The following TMPRSS15 variants were observed in gnomAD, a reference collection of about 807,000 sequenced individuals.
TMPRSS15 encodes transmembrane serine protease 15.
A neutral mutation model predicts 125.3 loss-of-function variants in TMPRSS15; 128 were observed. The observed-to-expected ratio is 1.02, with a 90% confidence interval of 0.89 to 1.18. The LOEUF is 1.18. Ranked by LOEUF, TMPRSS15 falls within the 50% of genes most tolerant of loss-of-function variation. The pLI is 0.00. For missense variants in TMPRSS15, 1,283 were observed against 1,212.7 expected (o/e 1.06, Z -0.86); for synonymous variants, 446 against 423.2 (o/e 1.05, Z -0.66).
chr21:18,330,799 A>G (rs1365613301), intron 14 of TMPRSS15, among the ~76,000 whole-genome samples: 1 of 152,074 alleles, frequency 6.6e-6, no homozygotes, highest in Non-Finnish European at 1.5e-5. Flanking sequence ...CAGGCCGGGC[A>G]CGGTGGCTCA....
chr21:18,316,268 T>C (rs1053220132), intron 16 of TMPRSS15, among the ~76,000 whole-genome samples: 7 of 152,238 alleles, frequency 4.6e-5, no homozygotes, highest in Non-Finnish European at 1.0e-4. Flanking sequence ...TTCCTCGTAA[T>C]TTCGTTAGTA....
chr21:18,270,359 T>C (rs1429047439), intron 24 of TMPRSS15, among the ~76,000 whole-genome samples: 1 of 152,146 alleles, frequency 6.6e-6, no homozygotes, highest in Non-Finnish European at 1.5e-5. Context: ...AGTGCACCTT[T>C]TTAGTAAAAG....
chr21:18,425,622 A>C (rs1458858021), intron 1 of TMPRSS15, among the ~76,000 whole-genome samples: 1 of 151,526 alleles, frequency 6.6e-6, no homozygotes, highest in Non-Finnish European at 1.5e-5. Flanking sequence ...CAAACTCTTA[A>C]CAAGTATTTA....
At chr21:18,398,734 A>G (rs2076065907) in intron 1 of TMPRSS15, among the ~76,000 whole-genome samples, 1 of 152,100 alleles carries the variant, frequency 6.6e-6, no homozygotes, top group Non-Finnish European at 1.5e-5. Flanking sequence ...TTGCTTTCAG[A>G]TACTTCTTGA....
At chr21:18,386,834 T>C (rs2075948302) in intron 3 of TMPRSS15, among the ~76,000 whole-genome samples, 1 of 152,240 alleles carries the variant, frequency 6.6e-6, no homozygotes, top group Non-Finnish European at 1.5e-5. Flanking sequence ...ACTGAACACT[T>C]GCTTTCATTT....
chr21:18,388,114 CA>C (rs1379432261), intron 3 of TMPRSS15, among the ~76,000 whole-genome samples: 1 of 152,118 alleles, frequency 6.6e-6, no homozygotes, highest in East Asian at 1.9e-4. Flanking sequence ...ATTTATCTAA[CA>C]GACGTTTTTA....
intron 21 of TMPRSS15, among the ~76,000 whole-genome samples, chr21:18,293,541 G>A (rs1467043346): frequency 6.6e-6 from 1 of 152,126 alleles, no homozygotes; most frequent in African/African-American, 2.4e-5. Context: ...TATCTAGAGA[G>A]GTGGCATCTT....
chr21:18,277,864 C>G (rs1457955310), intron 23 of TMPRSS15, among the ~76,000 whole-genome samples: 1 of 152,192 alleles, frequency 6.6e-6, no homozygotes, highest in Non-Finnish European at 1.5e-5. Flanking sequence ...GTGGTTAAAA[C>G]TCTGTCCCAG....
chr21:18,353,102 A>G (rs17699052), intron 9 of TMPRSS15, 50 bp from the exon 10 acceptor site: 61,374 of 1,502,132 alleles, frequency 0.041, 1,538 homozygotes, highest in South Asian at 0.067. Context: ...CCATAATGTG[A>G]GTAGTTATAT....
intron 16 of TMPRSS15, among the ~76,000 whole-genome samples, chr21:18,322,048 A>T (rs2075244167): frequency 6.6e-6 from 1 of 152,236 alleles, no homozygotes; most frequent in East Asian, 1.9e-4. Context: ...TATAGGCAAA[A>T]GAAATCTAAA....
intron 16 of TMPRSS15, among the ~76,000 whole-genome samples, chr21:18,316,205 A>G (rs1172795567): frequency 6.6e-6 from 1 of 152,126 alleles, no homozygotes; most frequent in African/African-American, 2.4e-5. Flanking sequence ...TCTCTTTTGC[A>G]GCAAAACTCA....
Position 18,409,873 on chromosome 21 carries a change from CCTTCCCTCCCTCCCTCCCTTCCTTCCTT to C in TMPRSS15, c.11-11572_11-11545del, listed in dbSNP as rs1191571277. ...CCTTCCTTCCTTCCCTCCCTCCCTCCCTTCCCTCCCTCCCTCCCTTCCTTCCTTCTTCCCTCCCTCCCTCCCTTCCTTC... is the reference window on the plus strand; with the variant it reads ...CCTTCCTTCCTTCCCTCCCTCCCTCCCTTCCCTCCCTCCCTCCCTTCCTTC... On this transcript the variant is annotated intron_variant, in intron 1 of 7. Coordinates refer to the TMPRSS15 transcript ENST00000422787. Among the ~76,000 whole-genome samples, 31 of 109,328 alleles carry C rather than the reference CCTTCCCTCCCTCCCTCCCTTCCTTCCTT, an allele frequency of 2.8e-4. 1 individual carries two copies. The highest frequency in any genetic ancestry group is 5.5e-4 in the Non-Finnish European group (29 of 52,558). 71.7% of individuals were successfully genotyped at this position (109,328 alleles called of 152,430 possible).
At chr21:18,300,107 A>G (rs1381751186) in intron 18 of TMPRSS15, among the ~76,000 whole-genome samples, 2 of 55,238 alleles carry the variant, frequency 3.6e-5, no homozygotes, top group African/African-American at 1.6e-4. Flanking sequence ...CTCTTCACTT[A>G]TCTATAGCTC....
At chr21:18,484,397 G>T (rs1979039218) in intron 1 of TMPRSS15, among the ~76,000 whole-genome samples, 1 of 151,730 alleles carries the variant, frequency 6.6e-6, no homozygotes, top group Admixed American at 6.6e-5. Context: ...TTTTGCTAGG[G>T]TATTTGTTTA....
chr21:18,318,682 T>C (rs1211861753), intron 16 of TMPRSS15, among the ~76,000 whole-genome samples: 1 of 152,186 alleles, frequency 6.6e-6, no homozygotes, highest in African/African-American at 2.4e-5. Context: ...ACACCGGAAG[T>C]AACTGAAAAA....
chr21:18,412,271 C>T lies in TMPRSS15; in HGVS notation c.11-13942G>A, dbSNP rs887531420. Among the ~76,000 whole-genome samples, 6 of 152,302 alleles carry T rather than the reference C, an allele frequency of 3.9e-5. No homozygotes were observed. In the South Asian group the frequency reaches 1.2e-3, roughly 32 times the overall value. ...CTACTTGTCAGATTTTCTCAATGCTCTTTTATCTAATTTCCCTGCTATCAT... is the reference window on the plus strand; with the variant it reads ...CTACTTGTCAGATTTTCTCAATGCTTTTTTATCTAATTTCCCTGCTATCAT... On this transcript the variant is annotated intron_variant, in intron 1 of 7. Coordinates refer to the TMPRSS15 transcript ENST00000422787.
chr21:18,294,379 C>G lies in TMPRSS15; in HGVS notation c.2377G>C (p.Glu793Gln), dbSNP rs756702226. ...PKIVGGSNAK[E>Q]GAWPWVVGLY... ...CCCACAACCCAGGGCCAGGCCCCTTCTTTGGCATTACTTCCTCCAACAATC... is the reference window on the plus strand; with the variant it reads ...CCCACAACCCAGGGCCAGGCCCCTTGTTTGGCATTACTTCCTCCAACAATC... Residue 793 changes from glutamate (E) to glutamine (Q), a missense_variant, in exon 21 of 25, where the codon GAA (glutamate) becomes CAA (glutamine). Coordinates refer to ENST00000284885, the MANE Select transcript of TMPRSS15 (RefSeq NM_002772.3). 1.2e-6 allele frequency: 2 copies of G among 1,614,128 alleles called. No homozygotes were observed. The highest frequency in any genetic ancestry group is 4.5e-5 in the East Asian group (2 of 44,898).
At chr21:18,309,030 G>T (rs1486930765) in intron 18 of TMPRSS15, among the ~76,000 whole-genome samples, 1 of 152,138 alleles carries the variant, frequency 6.6e-6, no homozygotes, top group African/African-American at 2.4e-5. Context: ...CTTTGCTGTT[G>T]TGAACAGTGC....
intron 19 of TMPRSS15, 121 bp from the exon 20 acceptor site, chr21:18,294,773 A>C: frequency 1.2e-6 from 1 of 846,162 alleles, no homozygotes; most frequent in Non-Finnish European, 2.0e-6. Context: ...TCATATATGA[A>C]ATGTAGGGAG....
Sources: allele counts gnomAD v4.1 joint callset (sites outside exome capture counted in the v4.1 genomes callset), GRCh38; gene constraint gnomAD v4.1.1; transcripts MANE v1.5; gene names NCBI Gene and HGNC (gene_info 2026-07-23, HGNC 2026-07-21).